KCTD10: variants seen among roughly 807,000 people sequenced by gnomAD.
The protein encoded by KCTD10 is potassium channel tetramerization domain containing 10.
KCTD10 carries 13 observed loss-of-function variants against 34.6 expected under a neutral mutation model. The observed-to-expected ratio is 0.38, with a 90% CI of 0.24 to 0.60. The LOEUF is 0.60. Ranked by LOEUF, KCTD10 falls within the 20% of genes least tolerant of loss-of-function variation. The pLI is 0.66. For synonymous variants in KCTD10, 156 were observed against 168.8 expected (o/e 0.92, Z 0.59); for missense variants, 256 against 420.3 (o/e 0.61, Z 3.42).
chr12:109,467,466 C>T (rs1210335237), intron 2 of KCTD10, among the ~76,000 whole-genome samples: 1 of 152,022 alleles, frequency 6.6e-6, no homozygotes, highest in East Asian at 1.9e-4. Flanking sequence ...GAAAAAAATT[C>T]TAAAAATTAG....
chr12:109,453,785 G>A (rs1299719550), intron 6 of KCTD10, among the ~76,000 whole-genome samples: 1 of 152,210 alleles, frequency 6.6e-6, no homozygotes, highest in Non-Finnish European at 1.5e-5. Flanking sequence ...GAGAAGAGGA[G>A]CTTGAGAAAG....
chr12:109,456,563 GCCCCTAAGCCTGA>G, intron 5 of KCTD10: 1 of 509,178 alleles, frequency 2.0e-6, no homozygotes, highest in East Asian at 3.6e-5. Context: ...GACAGCCCTG[GCCCCTAAGCCTGA>G]GTGCTCCTAA....
In KCTD10 at chr12:109,460,744, G is replaced by A. The variant is rs760334274; in HGVS notation, c.279C>T (p.Asp93=). Residue 93 remains aspartate, a synonymous_variant, in exon 3 of 7, where the codon GAC becomes GAT. Coordinates refer to ENST00000228495, the MANE Select transcript of KCTD10 (RefSeq NM_031954.5). The surrounding 1 kb of genome is among the most constrained non-coding windows in gnomAD (Gnocchi z 4.5). The stretch of plus-strand genomic sequence containing the variant: ...GGCTCTCGGGTAAAGGCACCGCCCC[G>A]TCTCGAAGGTAGTTGAGTATCGTAC... ...HFGTILNYLR[D]GAVPLPESRR... is the part of the protein sequence containing the mutation. The A allele has an allele frequency of 1.4e-5, 22 of 1,614,048 alleles. No homozygotes were observed. The highest frequency in any genetic ancestry group is 1.0e-4 in the Admixed American group (6 of 59,998).
At chr12:109,470,508 G>T (rs561960568) in intron 1 of KCTD10, 2 of 985,416 alleles carry the variant, frequency 2.0e-6, no homozygotes, top group Non-Finnish European at 1.2e-6. Context: ...ATTGGTATCC[G>T]GCACATGTGT....
chr12:109,456,304 G>A lies in KCTD10; in HGVS notation c.537C>T (p.Asp179=), dbSNP rs200524684. The A allele has an allele frequency of 2.3e-4, 375 of 1,613,862 alleles. No individual in the cohort carries two copies. Among genetic ancestry groups the A allele is most frequent in the Non-Finnish European group, 2.9e-4 (346 of 1,180,000 alleles). ...GTTCAATGTTTTTCAACATATTGTC[G>A]TCAGAATTGCTGCAAAAGAGCATTT... ...NNKYSYTSNS[D]DNMLKNIELF... is the part of the protein sequence containing the mutation. The change falls in exon 6 of 7, where the codon GAC becomes GAT. Residue 179 remains aspartate, a synonymous_variant. Transcript: ENST00000228495.
intron 1 of KCTD10, 47 bp downstream of exon 1, chr12:109,477,213 C>G (rs767067337): frequency 1.2e-6 from 2 of 1,611,728 alleles, no homozygotes; most frequent in Non-Finnish European, 1.7e-6. Flanking sequence ...CTGCCCAGCT[C>G]CCTCGGCCGC....
chr12:109,469,982 A>G (rs1873806840), intron 1 of KCTD10: 1 of 1,197,166 alleles, frequency 8.4e-7, no homozygotes, highest in African/African-American at 1.5e-5. Context: ...ACCCCTAGAG[A>G]GGGCCATGCA....
chr12:109,456,061 T>A, intron 6 of KCTD10, 57 bp downstream of exon 6: 1 of 1,533,674 alleles, frequency 6.5e-7, no homozygotes, highest in Non-Finnish European at 9.0e-7. Flanking sequence ...TGAAAGGAAG[T>A]TCTATAGGTG....
intron 1 of KCTD10, among the ~76,000 whole-genome samples, chr12:109,474,715 C>G (rs1285707141): frequency 6.6e-6 from 1 of 152,190 alleles, no homozygotes; most frequent in African/African-American, 2.4e-5. Context: ...TAAACCAAAG[C>G]CAGCCCCCAC....
intron 2 of KCTD10, among the ~76,000 whole-genome samples, chr12:109,462,264 T>C (rs546431819): frequency 6.6e-6 from 1 of 152,372 alleles, no homozygotes; most frequent in Non-Finnish European, 1.5e-5. Flanking sequence ...GTTCCCCTGA[T>C]GAAACAGCTC....
chr12:109,453,841 C>G (rs1038101079), intron 6 of KCTD10, among the ~76,000 whole-genome samples: 18 of 152,194 alleles, frequency 1.2e-4, no homozygotes, highest in Non-Finnish European at 5.9e-5. Flanking sequence ...CACCCAGCTG[C>G]AAGATCTACC....
intron 1 of KCTD10, chr12:109,470,175 T>C (rs1048554613): frequency 2.0e-6 from 2 of 993,294 alleles, no homozygotes; most frequent in East Asian, 1.1e-4. Flanking sequence ...CAGGTCTCTT[T>C]ACATTTCCTT....
chr12:109,466,451 T>C (rs1296391913), intron 2 of KCTD10, among the ~76,000 whole-genome samples: 1 of 152,252 alleles, frequency 6.6e-6, no homozygotes, highest in African/African-American at 2.4e-5. Context: ...ACTTGTCCAA[T>C]GTCACATGAC....
chr12:109,463,403 C>CT (rs1873434951), intron 2 of KCTD10, among the ~76,000 whole-genome samples: 1 of 152,212 alleles, frequency 6.6e-6, no homozygotes, highest in African/African-American at 2.4e-5. Flanking sequence ...AGCGTTTTGA[C>CT]TTTAAGATAC....
At chr12:109,462,733 T>C (rs56406401) in intron 2 of KCTD10, among the ~76,000 whole-genome samples, 7,609 of 152,300 alleles carry the variant, frequency 0.05, 237 homozygotes, top group East Asian at 0.088. Context: ...TGAGCTCTGA[T>C]GTTCCATGCA....
intron 2 of KCTD10, among the ~76,000 whole-genome samples, chr12:109,468,532 C>T (rs1292699721): frequency 6.6e-6 from 1 of 152,186 alleles, no homozygotes; most frequent in Admixed American, 6.5e-5. Flanking sequence ...ATTTTTAAAC[C>T]TCATGTGACC....
chr12:109,472,667 TTC>T (rs1181675319), intron 1 of KCTD10, among the ~76,000 whole-genome samples: 6 of 152,214 alleles, frequency 3.9e-5, no homozygotes, highest in African/African-American at 1.4e-4. Flanking sequence ...AGCAAAGTAG[TTC>T]TGTTTACACC....
chr12:109,469,926 A>G, intron 1 of KCTD10, 198 bp from the exon 2 acceptor site: 1 of 1,288,404 alleles, frequency 7.8e-7, no homozygotes, highest in Non-Finnish European at 1.0e-6. Flanking sequence ...TCAGAGGCCA[A>G]CTGGGCTAGC....
rs753877578 is a variant in KCTD10 at position 109,458,029 on chromosome 12, G to A, written c.437C>T (p.Ser146Phe). ...PFCKVPVITS[S>F]KEEQKLIATS... ...CGCTATAAGTTTTTGTTCTTCCTTG[G>A]ATGAGGTGATCACAGGGACCTTGCA... The change falls in exon 4 of 7, where the codon TCC becomes TTC. Residue 146 changes from serine to phenylalanine, a missense_variant. Around this residue, in one of 3 missense-constraint regions of KCTD10, gnomAD observed 155 missense variants for 207.0 expected, o/e 0.75. Coordinates refer to ENST00000228495, the MANE Select transcript of KCTD10 (RefSeq NM_031954.5). 1 of 1,614,120 alleles carries A rather than the reference G, an allele frequency of 6.2e-7. No individual in the cohort carries two copies. Among genetic ancestry groups the A allele is most frequent in the East Asian group, 2.2e-5 (1 of 44,884 alleles).
Sources: gnomAD v4.1 joint callset for allele counts (sites outside exome capture counted in the v4.1 genomes callset) on GRCh38, gnomAD v4.1.1 for gene constraint, gnomAD v4.1.1 regional missense constraint, Gnocchi (gnomAD v3.1) non-coding constraint, MANE v1.5 for transcripts, NCBI Gene and HGNC (gene_info 2026-07-23, HGNC 2026-07-21) for gene names.